Variants in LINGO2 observed in about 807,000 individuals in gnomAD.
The protein encoded by LINGO2 is leucine-rich repeat and immunoglobulin-like domain-containing nogo receptor-interacting protein 2.
Under a neutral mutation model 30.6 loss-of-function variants are expected in LINGO2, and 14 were observed. The ratio of observed to expected loss-of-function variants is 0.46; its 90% CI spans 0.30 to 0.72. The LOEUF (loss-of-function observed/expected upper bound fraction) is 0.72, where lower values mean the gene tolerates loss of function less well. Among genes scored for constraint, LINGO2 ranks in the 30% least tolerant of loss-of-function variants. The probability of loss-of-function intolerance (pLI) is 0.07; values close to 1 mark genes in which losing one functional copy is unlikely to be tolerated. For synonymous variants in LINGO2, 317 were observed against 288.5 expected (o/e 1.10, Z -1.00); for missense variants, 729 against 751.7 (o/e 0.97, Z 0.35).
chr9:28,342,610 T>C (rs1033895672), intron 3 of LINGO2, among the ~76,000 whole-genome samples: 1 of 151,882 alleles, frequency 6.6e-6, no homozygotes, highest in Admixed American at 6.6e-5. Context: ...AATTCTATGA[T>C]ATCTTAGAGG....
chr9:28,668,922 T>C (rs535971471), intron 1 of LINGO2, among the ~76,000 whole-genome samples: 4 of 152,028 alleles, frequency 2.6e-5, no homozygotes, highest in Non-Finnish European at 5.9e-5. Flanking sequence ...TCATCCAAGT[T>C]CACATAATGG....
At chr9:28,622,672 C>A (rs1177846018) in intron 1 of LINGO2, among the ~76,000 whole-genome samples, 1 of 151,856 alleles carries the variant, frequency 6.6e-6, no homozygotes, top group African/African-American at 2.4e-5. Context: ...GTGCAGACAT[C>A]TCTTAGATAT....
At chr9:28,879,510 G>T in the LINGO2 span, among the ~76,000 whole-genome samples, 1 of 152,138 alleles carries the variant, frequency 6.6e-6, no homozygotes, top group Non-Finnish European at 1.5e-5. Context: ...TACACAGCTA[G>T]ATTCTACATG....
At chr9:28,948,946 C>T in the LINGO2 span, among the ~76,000 whole-genome samples, 9 of 151,560 alleles carry the variant, frequency 5.9e-5, no homozygotes, top group South Asian at 6.2e-4. Flanking sequence ...CAAAAGAGTC[C>T]GCTGGGCCCA....
At chr9:29,071,513 A>G in the LINGO2 span, among the ~76,000 whole-genome samples, 2 of 84,566 alleles carry the variant, frequency 2.4e-5, no homozygotes, top group Admixed American at 1.2e-4. Flanking sequence ...ATATATATAT[A>G]TATATGTATA....
intron 1 of LINGO2, among the ~76,000 whole-genome samples, chr9:28,539,936 A>G (rs1282269455): frequency 1.3e-5 from 2 of 152,160 alleles, no homozygotes; most frequent in Admixed American, 6.6e-5. Context: ...CACAGGCTCC[A>G]CTAGCTGAAT....
chr9:27,949,693 T>C, exon 6 of LINGO2: 1 of 1,614,092 alleles, frequency 6.2e-7, no homozygotes, highest in Non-Finnish European at 8.5e-7. Flanking sequence ...TGAGACACAT[T>C]GAGCACGCGT....
At chr9:28,043,544 C>T (rs1824285940) in intron 4 of LINGO2, among the ~76,000 whole-genome samples, 1 of 152,184 alleles carries the variant, frequency 6.6e-6, no homozygotes, top group Non-Finnish European at 1.5e-5. Context: ...GATCAGAACT[C>T]AAAGCATAAG....
intron 1 of LINGO2, among the ~76,000 whole-genome samples, chr9:28,596,528 G>A (rs547813101): frequency 2.0e-5 from 3 of 152,230 alleles, no homozygotes; most frequent in South Asian, 4.1e-4. Flanking sequence ...GCATGAACCA[G>A]CCAACGATGG....
At chr9:28,425,938 G>C (rs764103520) in intron 2 of LINGO2, among the ~76,000 whole-genome samples, 3 of 151,800 alleles carry the variant, frequency 2.0e-5, no homozygotes, top group Non-Finnish European at 4.4e-5. Context: ...TATTCAGCTT[G>C]CTTCTTTTTG....
chr9:28,340,774 C>T (rs944994200), intron 3 of LINGO2, among the ~76,000 whole-genome samples: 2 of 151,926 alleles, frequency 1.3e-5, no homozygotes, highest in Admixed American at 1.3e-4. Flanking sequence ...TTATGATGCT[C>T]ATTATAGAAA....
intron 1 of LINGO2, among the ~76,000 whole-genome samples, chr9:28,653,333 G>C (rs1828193385): frequency 6.6e-6 from 1 of 152,224 alleles, no homozygotes; most frequent in Admixed American, 6.5e-5. Flanking sequence ...AAAAGACAAT[G>C]CTAGAGAATC....
the LINGO2 span, among the ~76,000 whole-genome samples, chr9:29,164,604 A>T: frequency 1.3e-5 from 2 of 152,028 alleles, no homozygotes. Flanking sequence ...GGTAACAATA[A>T]TAAAAACGTA....
intron 4 of LINGO2, among the ~76,000 whole-genome samples, chr9:28,057,756 T>C (rs1178118821): frequency 1.3e-5 from 2 of 151,902 alleles, no homozygotes; most frequent in African/African-American, 4.8e-5. Flanking sequence ...ACCTGCTTTT[T>C]AAGCATATTA....
At chr9:28,589,981 A>G (rs1332873162) in intron 1 of LINGO2, among the ~76,000 whole-genome samples, 5 of 152,296 alleles carry the variant, frequency 3.3e-5, no homozygotes, top group Middle Eastern at 6.8e-3. Context: ...AACAGAACAG[A>G]GCCCTCAGAG....
the LINGO2 span, among the ~76,000 whole-genome samples, chr9:28,840,405 A>G: frequency 1.3e-5 from 2 of 151,848 alleles, no homozygotes; most frequent in Admixed American, 6.5e-5. Flanking sequence ...TCAACAATGT[A>G]TATCTCTGAC....
At chr9:28,318,346 G>T (rs1824918884) in intron 3 of LINGO2, among the ~76,000 whole-genome samples, 1 of 152,036 alleles carries the variant, frequency 6.6e-6, no homozygotes, top group Non-Finnish European at 1.5e-5. Flanking sequence ...TTATATCATT[G>T]ATTTATTCAT....
intron 4 of LINGO2, among the ~76,000 whole-genome samples, chr9:28,159,050 A>G (rs1828214736): frequency 6.6e-6 from 1 of 152,186 alleles, no homozygotes; most frequent in South Asian, 2.1e-4. Context: ...GATATGAATG[A>G]CTGCTAGATT....
intron 1 of LINGO2, among the ~76,000 whole-genome samples, chr9:28,531,048 A>AATAAATAT (rs1554733106): frequency 1.4e-5 from 2 of 146,454 alleles, no homozygotes; most frequent in African/African-American, 5.0e-5. Flanking sequence ...TATAAAAATA[A>AATAAATAT]ATATATATAT....
Sources: gnomAD v4.1 joint callset for allele counts (sites outside exome capture counted in the v4.1 genomes callset) on GRCh38, gnomAD v4.1.1 for gene constraint, MANE v1.5 for transcripts, NCBI Gene and HGNC (gene_info 2026-07-23, HGNC 2026-07-21) for gene names.